The following PAM variants were observed in gnomAD, a reference collection of about 807,000 sequenced individuals.
PAM encodes peptidyl-glycine alpha-amidating monooxygenase.
A neutral mutation model predicts 122.1 loss-of-function variants in PAM; 72 were observed. That is an observed-to-expected ratio of 0.59 (90% CI 0.49 to 0.72). The LOEUF (loss-of-function observed/expected upper bound fraction) is 0.72. PAM is among the 30% of genes least tolerant of loss of function. PAM has a pLI of 0.00. For missense variants in PAM, 1,106 were observed against 1,183.7 expected (o/e 0.93, Z 0.96); for synonymous variants, 389 against 404.4 (o/e 0.96, Z 0.46).
At chr5:102,873,205 G>A (rs1788080183) in intron 3 of PAM, 1 of 151,918 alleles carries the variant, frequency 6.6e-6, no homozygotes, top group Non-Finnish European at 1.5e-5. Flanking sequence ...GTATTCTTTT[G>A]AAATTAAAAT....
At chr5:102,984,086 G>A (rs1770896001) in intron 15 of PAM, among the ~76,000 whole-genome samples, 1 of 151,930 alleles carries the variant, frequency 6.6e-6, no homozygotes. Flanking sequence ...TTCAGTGGCA[G>A]AGCAGACACA....
At chr5:102,898,855 AT>A (rs1796902549) in intron 3 of PAM, among the ~76,000 whole-genome samples, 1 of 151,662 alleles carries the variant, frequency 6.6e-6, no homozygotes, top group Non-Finnish European at 1.5e-5. Context: ...CCTGGTACAA[AT>A]TTCATTTCAC....
intron 20 of PAM, among the ~76,000 whole-genome samples, chr5:103,008,650 T>G (rs897944180): frequency 7.9e-5 from 12 of 152,186 alleles, no homozygotes; most frequent in African/African-American, 2.9e-4. Context: ...CCCAAATTAT[T>G]TAGGACATAA....
chr5:102,772,288 A>C, intron 1 of PAM, among the ~76,000 whole-genome samples: 1 of 152,126 alleles, frequency 6.6e-6, no homozygotes, highest in East Asian at 1.9e-4. Flanking sequence ...GTTTTCTATA[A>C]CCCTGCAGTG....
chr5:102,951,292 TC>T (rs940059373), intron 12 of PAM, among the ~76,000 whole-genome samples: 9 of 152,048 alleles, frequency 5.9e-5, no homozygotes, highest in African/African-American at 2.2e-4. Flanking sequence ...CAACACTTTA[TC>T]AAAAAAGAAT....
intron 1 of PAM, among the ~76,000 whole-genome samples, chr5:102,823,045 A>G (rs1288534807): frequency 2.0e-5 from 3 of 152,120 alleles, no homozygotes; most frequent in Non-Finnish European, 2.9e-5. Flanking sequence ...TTTTTCCCCC[A>G]GTTGAAAAAG....
At chr5:102,967,405 G>A (rs1764420759) in intron 14 of PAM, among the ~76,000 whole-genome samples, 1 of 152,152 alleles carries the variant, frequency 6.6e-6, no homozygotes, top group Non-Finnish European at 1.5e-5. Context: ...GGAAATTACT[G>A]CAGCCTAAAA....
intron 22 of PAM, among the ~76,000 whole-genome samples, chr5:103,018,870 G>A (rs539094023): frequency 1.1e-4 from 16 of 152,266 alleles, no homozygotes; most frequent in African/African-American, 3.9e-4. Context: ...CATGGGCAGA[G>A]GGAATGGTTT....
At chr5:102,795,405 A>G (rs1763156049) in intron 1 of PAM, among the ~76,000 whole-genome samples, 1 of 152,112 alleles carries the variant, frequency 6.6e-6, no homozygotes, top group South Asian at 2.1e-4. Context: ...TCTAACCTCT[A>G]ATACTGGTGA....
chr5:102,978,620 T>C lies in PAM; in HGVS notation c.1483+4184T>C, dbSNP rs182744615. 2.6e-5 allele frequency among the ~76,000 whole-genome samples: 4 copies of C among 152,308 alleles called. No homozygotes were observed. The East Asian group carries it at 7.7e-4, about 29-fold the overall frequency. The stretch of plus-strand genomic sequence containing the variant: ...TACACCTGTATTTGTGTGACAATTC[T>C]GATCAGATAAGAGGATTCAGAAGGT... On this transcript the variant is annotated intron_variant, in intron 15 of 25. Coordinates refer to ENST00000438793, the MANE Select transcript of PAM (RefSeq NM_001177306.2).
intron 2 of PAM, 28 bp from the exon 3 acceptor site, chr5:102,867,245 G>T: frequency 1.3e-6 from 2 of 1,521,332 alleles, no homozygotes; most frequent in South Asian, 1.1e-5. Flanking sequence ...TTATGTTCAA[G>T]AATATTGAAA....
intron 3 of PAM, among the ~76,000 whole-genome samples, chr5:102,880,689 G>C (rs919029012): frequency 6.6e-6 from 1 of 151,942 alleles, no homozygotes; most frequent in Non-Finnish European, 1.5e-5. Context: ...AGACCCTAAT[G>C]AAGTACTCAG....
At chr5:103,020,651 T>A (rs1346645381) in intron 23 of PAM, among the ~76,000 whole-genome samples, 2 of 152,162 alleles carry the variant, frequency 1.3e-5, no homozygotes, top group Admixed American at 6.5e-5. Flanking sequence ...TCATGTTACC[T>A]AATATTTAAG....
intron 3 of PAM, among the ~76,000 whole-genome samples, chr5:102,868,477 G>A (rs1004678326): frequency 2.0e-5 from 3 of 152,128 alleles, no homozygotes; most frequent in Admixed American, 6.5e-5. Flanking sequence ...ATCCCCAAAT[G>A]ACCATGCAGA....
chr5:102,818,375 G>A (rs1001153160), intron 1 of PAM, among the ~76,000 whole-genome samples: 1 of 151,654 alleles, frequency 6.6e-6, no homozygotes, highest in South Asian at 2.1e-4. Context: ...ATTGTGAGAT[G>A]TGGCCTCTAG....
intron 1 of PAM, among the ~76,000 whole-genome samples, chr5:102,765,963 C>CT (rs527307006): frequency 1.0e-4 from 15 of 148,856 alleles, no homozygotes; most frequent in South Asian, 4.3e-4. Context: ...AATTGAACAT[C>CT]TTTTTTTTTT....
At chr5:103,005,326 T>C in intron 18 of PAM, 100 bp downstream of exon 18, 1 of 742,496 alleles carries the variant, frequency 1.3e-6, no homozygotes, top group East Asian at 2.5e-5. Context: ...TGTTTTTTCT[T>C]CTGTCACCCA....
chr5:102,874,188 CCTTT>C (rs1191058337), intron 3 of PAM, among the ~76,000 whole-genome samples: 1 of 152,062 alleles, frequency 6.6e-6, no homozygotes, highest in East Asian at 1.9e-4. Context: ...TTCTTTTTTC[CCTTT>C]CTATTTTGAG....
At chr5:102,793,395 G>A (rs532967787) in intron 1 of PAM, among the ~76,000 whole-genome samples, 35 of 152,240 alleles carry the variant, frequency 2.3e-4, no homozygotes, top group African/African-American at 8.4e-4. Flanking sequence ...GCTGAGCATG[G>A]TGGCACACAC....
Sources: gnomAD v4.1 joint callset for allele counts (sites outside exome capture counted in the v4.1 genomes callset) on GRCh38, gnomAD v4.1.1 for gene constraint, MANE v1.5 for transcripts, NCBI Gene and HGNC (gene_info 2026-07-23, HGNC 2026-07-21) for gene names.